The following LRMDA variants were observed in gnomAD, a reference collection of about 807,000 sequenced individuals.
LRMDA encodes the protein leucine-rich melanocyte differentiation-associated protein.
In LRMDA, 18 loss-of-function variants were observed where a neutral mutation model predicts 29.8. The ratio of observed to expected loss-of-function variants is 0.60; its 90% CI spans 0.42 to 0.90. LRMDA has a LOEUF of 0.90. Ranked by LOEUF, LRMDA falls within the 40% of genes least tolerant of loss-of-function variation. The pLI is 0.00. For synonymous variants in LRMDA, 125 were observed against 109.4 expected, an observed-to-expected ratio of 1.14 and a Z score of -0.89; for missense variants, 273 against 273.9, an observed-to-expected ratio of 1.00 and a Z score of 0.02.
intron 2 of LRMDA, among the ~76,000 whole-genome samples, chr10:75,910,958 G>A (rs1845832774): frequency 1.3e-5 from 2 of 152,144 alleles, no homozygotes; most frequent in Non-Finnish European, 2.9e-5. Flanking sequence ...TTGCGTCAAT[G>A]GAGTAATCTG....
intron 2 of LRMDA, among the ~76,000 whole-genome samples, chr10:76,032,376 G>C (rs1271187469): frequency 6.6e-6 from 1 of 152,206 alleles, no homozygotes; most frequent in Non-Finnish European, 1.5e-5. Flanking sequence ...AATGAGGGCA[G>C]AGTGTGAGCC....
At chr10:76,148,371 A>T (rs2132161592) in intron 5 of LRMDA, among the ~76,000 whole-genome samples, 1 of 152,268 alleles carries the variant, frequency 6.6e-6, no homozygotes, top group African/African-American at 2.4e-5. Context: ...TTACCTAATC[A>T]AACAACTAAC....
chr10:76,317,946 T>A (rs1404395388), intron 5 of LRMDA, among the ~76,000 whole-genome samples: 1 of 152,212 alleles, frequency 6.6e-6, no homozygotes, highest in Non-Finnish European at 1.5e-5. Flanking sequence ...CCACAACCTA[T>A]GTATTATTTT....
chr10:76,289,777 T>C (rs985547287), intron 5 of LRMDA, among the ~76,000 whole-genome samples: 1 of 152,204 alleles, frequency 6.6e-6, no homozygotes, highest in Non-Finnish European at 1.5e-5. Context: ...AATTGCCCTT[T>C]AATTACCCTC....
rs531833811 is a variant in LRMDA, at chr10:76,335,714, A to G, written c.601+11229A>G. The stretch of plus-strand genomic sequence containing the variant: ...AGATTTAAAATTTTTCTGATTGGCA[A>G]TTGGTTGAAAGAGTTGTCAATAGAA... On this transcript the variant is annotated intron_variant, in intron 6 of 6. Transcript: ENST00000611255. 3.0e-4 allele frequency among the ~76,000 whole-genome samples: 46 copies of G among 152,272 alleles called. 1 individual carries two copies. In the South Asian group the frequency reaches 3.1e-3, roughly 10 times the overall value.
intron 2 of LRMDA, among the ~76,000 whole-genome samples, chr10:75,873,760 T>A (rs1371470186): frequency 6.6e-6 from 1 of 152,130 alleles, no homozygotes; most frequent in Non-Finnish European, 1.5e-5. Flanking sequence ...TCATTTTGGT[T>A]AGTTTTTCTC....
Position 75,998,598 on chromosome 10 carries a change from C to G in LRMDA, c.132-37410C>G, listed in dbSNP as rs115252814. Among the ~76,000 whole-genome samples the G allele has an allele frequency of 9.2e-3, 1,400 of 152,318 alleles. 23 individuals carry two copies. Among genetic ancestry groups the G allele is most frequent in the African/African-American group, 0.032 (1,345 of 41,560 alleles). ...ACACATATTAGCTTATTAAAGCACA[C>G]GTCTTCGTGGGGTTAGGGTTACTGT... On this transcript the variant is annotated intron_variant, in intron 2 of 6. Transcript: ENST00000611255.
At chr10:75,749,673 G>A (rs1374291468) in intron 2 of LRMDA, among the ~76,000 whole-genome samples, 4 of 150,016 alleles carry the variant, frequency 2.7e-5, no homozygotes, top group Admixed American at 1.3e-4. Context: ...GGTGTTTCTC[G>A]GAGAGGGGGA....
intron 5 of LRMDA, among the ~76,000 whole-genome samples, chr10:76,262,067 TA>T (rs901625692): frequency 6.0e-5 from 9 of 150,934 alleles, no homozygotes; most frequent in Admixed American, 1.3e-4. Flanking sequence ...ACCCCATCTC[TA>T]AAAAAAAATA....
chr10:76,363,176 A>G (rs189574049), intron 6 of LRMDA, among the ~76,000 whole-genome samples: 5,541 of 20,594 alleles, frequency 0.27, 830 homozygotes, highest in Non-Finnish European at 0.37. Flanking sequence ...AAAGAAAGAA[A>G]GGAGGGAGGG....
At chr10:75,505,697 G>A (rs1018752263) in intron 2 of LRMDA, among the ~76,000 whole-genome samples, 2 of 151,982 alleles carry the variant, frequency 1.3e-5, no homozygotes, top group Non-Finnish European at 2.9e-5. Flanking sequence ...ATGTTTCCCT[G>A]ACCAGCTGAT....
chr10:75,653,027 G>T (rs749567416), intron 2 of LRMDA, among the ~76,000 whole-genome samples: 12 of 152,192 alleles, frequency 7.9e-5, no homozygotes, highest in South Asian at 2.1e-4. Flanking sequence ...GCTCAGGTTT[G>T]CTCCCCTTTA....
intron 6 of LRMDA, among the ~76,000 whole-genome samples, chr10:76,489,651 C>T (rs925035281): frequency 3.3e-5 from 5 of 151,824 alleles, no homozygotes; most frequent in African/African-American, 4.8e-5. Context: ...GGAGCTTATA[C>T]ACTCCCTTGT....
At chr10:76,008,400 C>CTTTT (rs556888742) in intron 2 of LRMDA, among the ~76,000 whole-genome samples, 1 of 149,658 alleles carries the variant, frequency 6.7e-6, no homozygotes, top group East Asian at 2.0e-4. Context: ...AGTTTAAACA[C>CTTTT]TTTTTTTTTT....
At chr10:75,910,929 A>C in intron 2 of LRMDA, among the ~76,000 whole-genome samples, 1 of 152,212 alleles carries the variant, frequency 6.6e-6, no homozygotes, top group Admixed American at 6.5e-5. Context: ...TTTGTGGTTT[A>C]GTGTTGGGAG....
chr10:75,550,965 G>T (rs866022406), intron 2 of LRMDA, among the ~76,000 whole-genome samples: 1 of 150,146 alleles, frequency 6.7e-6, no homozygotes. Context: ...TTGTTCTATT[G>T]TCTACATTTT....
At chr10:76,340,868 A>C (rs1431790044) in intron 6 of LRMDA, among the ~76,000 whole-genome samples, 1 of 152,184 alleles carries the variant, frequency 6.6e-6, no homozygotes, top group African/African-American at 2.4e-5. Flanking sequence ...TTTTCTGTTA[A>C]GGAGCAGATA....
At chr10:75,911,338 G>C (rs1194290523) in intron 2 of LRMDA, among the ~76,000 whole-genome samples, 4 of 152,076 alleles carry the variant, frequency 2.6e-5, no homozygotes, top group Non-Finnish European at 4.4e-5. Flanking sequence ...AGGTGGCATG[G>C]GGGGAGCACA....
chr10:75,622,979 A>G (rs919534106), intron 2 of LRMDA, among the ~76,000 whole-genome samples: 2 of 152,216 alleles, frequency 1.3e-5, no homozygotes, highest in African/African-American at 4.8e-5. Context: ...CAGTACCCAT[A>G]ATATTAATTA....
Sources: gnomAD v4.1 joint callset for allele counts (sites outside exome capture counted in the v4.1 genomes callset) on GRCh38, gnomAD v4.1.1 for gene constraint, MANE v1.5 for transcripts, NCBI Gene and HGNC (gene_info 2026-07-23, HGNC 2026-07-21) for gene names.